Variants in INPP5B observed in about 807,000 individuals in gnomAD.
INPP5B encodes type II inositol 1,4,5-trisphosphate 5-phosphatase.
A neutral mutation model predicts 118.5 loss-of-function variants in INPP5B; 90 were observed. That is an observed-to-expected ratio of 0.76 (90% CI 0.64 to 0.90). The LOEUF is 0.90. INPP5B is among the 40% of genes least tolerant of loss of function. The pLI is 0.00. For synonymous variants in INPP5B, 385 were observed against 418.9 expected (o/e 0.92, Z 0.99); for missense variants, 984 against 1,125.6 (o/e 0.87, Z 1.80).
Position 37,861,185 on chromosome 1 carries a change from G to C in INPP5B, c.*1130C>G, listed in dbSNP as rs956686755. The stretch of plus-strand genomic sequence containing the variant: ...CAGAGGCTGAGCAACCAGCCTCAGA[G>C]TTATTGAGCCATTATCTGGGCAGGA... On this transcript the variant is annotated 3_prime_UTR_variant, in exon 24 of 24. Coordinates refer to ENST00000373024, the MANE Select transcript of INPP5B (RefSeq NM_005540.3). 6.6e-6 allele frequency: 1 copy of C among 152,212 alleles called. No individual in the cohort carries two copies. Among genetic ancestry groups the C allele is most frequent in the Non-Finnish European group, 1.5e-5 (1 of 68,048 alleles). The allele number at this position is 152,212 out of a possible 1,614,324, so 9.4% of individuals were successfully genotyped here.
intron 5 of INPP5B, among the ~76,000 whole-genome samples, chr1:37,941,810 C>T: frequency 7.5e-6 from 1 of 134,052 alleles, no homozygotes. Context: ...TGGTAGCGGG[C>T]ACCTGTAGTC....
chr1:37,880,684 C>T (rs543562762), intron 14 of INPP5B, among the ~76,000 whole-genome samples: 58 of 152,032 alleles, frequency 3.8e-4, no homozygotes, highest in African/African-American at 1.2e-3. Context: ...CCACCCACCT[C>T]GGCCTCCCAA....
intron 7 of INPP5B, among the ~76,000 whole-genome samples, chr1:37,926,361 C>T (rs1570334529): frequency 6.6e-6 from 1 of 152,002 alleles, no homozygotes; most frequent in East Asian, 1.9e-4. Context: ...GTGATCTCAG[C>T]CCACTGCAAC....
At chr1:37,866,400 T>TCACACA (rs1192589112) in intron 21 of INPP5B, 59 bp downstream of exon 21, 44 of 686,136 alleles carry the variant, frequency 6.4e-5, no homozygotes, top group Non-Finnish European at 8.9e-5. Flanking sequence ...TCTCTCTCTC[T>TCACACA]CTCTCTCACA....
At chr1:37,912,955 A>G (rs2148606845) in intron 7 of INPP5B, among the ~76,000 whole-genome samples, 2 of 152,208 alleles carry the variant, frequency 1.3e-5, no homozygotes, top group South Asian at 4.2e-4. Context: ...CTGCTAAAAA[A>G]AAAAAAAAAG....
chr1:37,876,346 T>C (rs1642804258), intron 16 of INPP5B, among the ~76,000 whole-genome samples: 1 of 151,212 alleles, frequency 6.6e-6, no homozygotes, highest in Non-Finnish European at 1.5e-5. Context: ...GCTCAAGCAA[T>C]CCACCCACCT....
intron 7 of INPP5B, among the ~76,000 whole-genome samples, chr1:37,901,573 G>C (rs932510363): frequency 1.3e-5 from 2 of 152,130 alleles, no homozygotes; most frequent in African/African-American, 2.4e-5. Flanking sequence ...GGGGTACATA[G>C]CGTACTGATG....
At chr1:37,932,358 CTT>C (rs1645517367) in intron 6 of INPP5B, among the ~76,000 whole-genome samples, 1 of 132,194 alleles carries the variant, frequency 7.6e-6, no homozygotes. Context: ...ATTTTCTTTT[CTT>C]TTCTTTTTTT....
chr1:37,869,977 T>A (rs946089300), intron 19 of INPP5B: 1 of 152,134 alleles, frequency 6.6e-6, no homozygotes, highest in Non-Finnish European at 1.5e-5. Flanking sequence ...TCCATAGGAA[T>A]CTTTTAGATG....
intron 18 of INPP5B, among the ~76,000 whole-genome samples, chr1:37,873,641 T>G (rs1642609246): frequency 6.6e-6 from 1 of 152,246 alleles, no homozygotes; most frequent in African/African-American, 2.4e-5. Flanking sequence ...CAGAGCCAGA[T>G]ATAATTTCTG....
intron 13 of INPP5B, 102 bp downstream of exon 13, chr1:37,885,536 G>T: frequency 2.1e-6 from 2 of 945,784 alleles, no homozygotes; most frequent in Non-Finnish European, 3.2e-6. Context: ...TACCACCATT[G>T]CAGCAATAGG....
chr1:37,929,679 G>A (rs1032207104), intron 7 of INPP5B: 2 of 152,010 alleles, frequency 1.3e-5, no homozygotes, highest in Non-Finnish European at 2.9e-5. Flanking sequence ...AATTTTAGCA[G>A]GAGCAACTTA....
At chr1:37,943,536 G>A in intron 5 of INPP5B, 104 bp downstream of exon 5, 1 of 1,239,180 alleles carries the variant, frequency 8.1e-7, no homozygotes, top group Non-Finnish European at 1.2e-6. Context: ...CTTACTTGCT[G>A]CAATAAGTTT....
chr1:37,866,410 A>T lies in INPP5B; in HGVS notation c.2386+49T>A, dbSNP rs748204896. 1.9e-3 allele frequency: 610 copies of T among 329,632 alleles called. 1 individual carries two copies. Among genetic ancestry groups the T allele is most frequent in the South Asian group, 3.1e-3 (64 of 20,758 alleles). The allele number at this position is 329,632 out of a possible 1,614,324, so 20.4% of individuals were successfully genotyped here. ...TTCTCTCTCTCTCTCTCTCTCTCAC[A>T]CACACACACACACACACACACACAC... On this transcript the variant is annotated intron_variant, in intron 21 of 23. Transcript: ENST00000373024.
At chr1:37,896,798 C>T (rs1446334897) in intron 7 of INPP5B, among the ~76,000 whole-genome samples, 8 of 142,752 alleles carry the variant, frequency 5.6e-5, no homozygotes, top group Admixed American at 4.1e-4. Context: ...GCCCCCTGCC[C>T]GGCCAGCCGC....
intron 7 of INPP5B, 123 bp from the exon 8 acceptor site, chr1:37,891,577 C>G: frequency 1.6e-6 from 1 of 607,310 alleles, no homozygotes; most frequent in Non-Finnish European, 3.0e-6. Flanking sequence ...GAGTTCGAGA[C>G]CAGCCTGACC....
At position 37,886,123 on chromosome 1, in the gene INPP5B, G is replaced by C. The variant is rs542888488; in HGVS notation, c.1132-298C>G. Among the ~76,000 whole-genome samples, 21 of 152,076 alleles carry C rather than the reference G, an allele frequency of 1.4e-4. No homozygotes were observed. In the South Asian group the frequency reaches 3.5e-3, roughly 26 times the overall value. On this transcript the variant is annotated intron_variant, in intron 12 of 23. Transcript: ENST00000373024. The stretch of plus-strand genomic sequence containing the variant: ...ACGCGGGAGGGAGAGGTTGCAGTGA[G>C]CTGAGATCACGCCACTGCACTCCAG...
chr1:37,939,900 C>A (rs1243495074), intron 6 of INPP5B, among the ~76,000 whole-genome samples: 1 of 152,100 alleles, frequency 6.6e-6, no homozygotes, highest in Admixed American at 6.6e-5. Context: ...GCTACTAAGC[C>A]TAGCTGTTTC....
intron 9 of INPP5B, among the ~76,000 whole-genome samples, chr1:37,889,209 C>T (rs1464378335): frequency 6.6e-6 from 1 of 152,132 alleles, no homozygotes; most frequent in East Asian, 1.9e-4. Flanking sequence ...TGCACTCCAG[C>T]CTGGGCAACA....
Sources: allele counts gnomAD v4.1 joint callset (sites outside exome capture counted in the v4.1 genomes callset), GRCh38; gene constraint gnomAD v4.1.1; transcripts MANE v1.5; gene names NCBI Gene and HGNC (gene_info 2026-07-23, HGNC 2026-07-21).